The following HNRNPUL1 variants were observed in gnomAD, a reference collection of about 807,000 sequenced individuals.
HNRNPUL1 encodes the protein heterogeneous nuclear ribonucleoprotein U like 1.
In HNRNPUL1, 14 loss-of-function variants were observed where a neutral mutation model predicts 108.5. The observed-to-expected ratio is 0.13, with a 90% CI of 0.09 to 0.20. The LOEUF (loss-of-function observed/expected upper bound fraction) is 0.20, where lower values mean the gene tolerates loss of function less well. Ranked by LOEUF, HNRNPUL1 falls within the 10% of genes least tolerant of loss-of-function variation. The probability of loss-of-function intolerance (pLI) is 1.00; values close to 1 mark genes in which losing one functional copy is unlikely to be tolerated. For missense variants in HNRNPUL1, 804 were observed against 1,168.3 expected (o/e 0.69, Z 4.55); for synonymous variants, 422 against 445.2 (o/e 0.95, Z 0.66).
At chr19:41,303,511 C>T (rs188450685) in intron 12 of HNRNPUL1, among the ~76,000 whole-genome samples, 51 of 152,186 alleles carry the variant, frequency 3.4e-4, no homozygotes, top group South Asian at 1.9e-3. Context: ...AGCACCACCA[C>T]GCCCGGCTAA....
intron 12 of HNRNPUL1, among the ~76,000 whole-genome samples, chr19:41,303,427 C>T (rs1000544708): frequency 6.7e-6 from 1 of 148,168 alleles, no homozygotes; most frequent in Non-Finnish European, 1.5e-5. Flanking sequence ...AATCTCGGCT[C>T]ACTGCAACCT....
chr19:41,292,299 A>T lies in HNRNPUL1; in HGVS notation c.1054A>T (p.Met352Leu). 1 of 1,614,142 alleles carries T rather than the reference A, an allele frequency of 6.2e-7. No individual in the cohort carries two copies. The highest frequency in any genetic ancestry group is 8.5e-7 in the Non-Finnish European group (1 of 1,179,988). Reference sequence around the variant, plus strand: ...GTCTTTTACCAAGAATGGAAAGTGGATGGGCATTGCTTTCCGAATCCAGAA... The same window carrying T: ...GTCTTTTACCAAGAATGGAAAGTGGTTGGGCATTGCTTTCCGAATCCAGAA... The part of the protein sequence containing the change: ...ELSFTKNGKW[M>L]GIAFRIQKEA... Residue 352 changes from methionine to leucine, a missense_variant, in exon 8 of 15, where the codon ATG (methionine) becomes TTG (leucine). By Grantham distance (15) the Met-to-Leu change is conservative (BLOSUM62 2). Coordinates refer to ENST00000392006, the MANE Select transcript of HNRNPUL1 (RefSeq NM_007040.6). This position sits in a 1 kb window ranked among gnomAD's most constrained non-coding sequence, Gnocchi z 4.1.
chr19:41,296,865 G>C (rs1265858319), intron 10 of HNRNPUL1, among the ~76,000 whole-genome samples: 2 of 152,218 alleles, frequency 1.3e-5, no homozygotes, highest in Admixed American at 6.5e-5. Flanking sequence ...TGAGTGGTCA[G>C]ATCTCCCCAG....
intron 7 of HNRNPUL1, among the ~76,000 whole-genome samples, chr19:41,282,029 A>C (rs1175676085): frequency 6.6e-6 from 1 of 152,232 alleles, no homozygotes; most frequent in Non-Finnish European, 1.5e-5. Context: ...AATACCACTT[A>C]ATACTGTTAA....
chr19:41,305,881 T>TG lies in HNRNPUL1; in HGVS notation c.2454+19dup. On this transcript the variant is annotated intron_variant, in intron 14 of 14. Transcript: ENST00000392006. ...CAGTATCAGCAGGTAGGTGCCAGAC[T>TG]GGGGGCCAACTGGATGGAGAGACTT... 3.2e-6 allele frequency: 5 copies of TG among 1,539,012 alleles called. No individual in the cohort carries two copies. The highest frequency in any genetic ancestry group is 4.4e-6 in the Non-Finnish European group (5 of 1,124,200).
intron 6 of HNRNPUL1, among the ~76,000 whole-genome samples, chr19:41,279,961 G>A (rs2035808730): frequency 6.6e-6 from 1 of 152,114 alleles, no homozygotes; most frequent in South Asian, 2.1e-4. Flanking sequence ...GTAAATAACT[G>A]CAGCTTTTTG....
rs1272565668 is a variant in HNRNPUL1 at position 41,279,157 on chromosome 19, C to T, written c.867C>T (p.Asp289=). The T allele has an allele frequency of 2.5e-6, 4 of 1,612,946 alleles. No individual in the cohort carries two copies. The Admixed American group carries it at 5.0e-5, about 20-fold the overall frequency. ...TGGTCCGTATCGGCTGGTCCCTGGACTCCTGCAGCACCCAGCTAGGTAAGG... is the reference window on the plus strand; with the variant it reads ...TGGTCCGTATCGGCTGGTCCCTGGATTCCTGCAGCACCCAGCTAGGTAAGG... The part of the protein sequence containing the change: ...PHVVRIGWSL[D]SCSTQLGEEP... The change falls in exon 6 of 15, where the codon GAC becomes GAT. Residue 289 remains aspartate, a synonymous_variant. Coordinates refer to ENST00000392006, the MANE Select transcript of HNRNPUL1 (RefSeq NM_007040.6).
chr19:41,299,286 A>G (rs2037063368), intron 10 of HNRNPUL1, among the ~76,000 whole-genome samples: 1 of 152,106 alleles, frequency 6.6e-6, no homozygotes, highest in Non-Finnish European at 1.5e-5. Flanking sequence ...GACAGGGAAG[A>G]ACATTTTTTC....
Position 41,306,724 on chromosome 19 carries a change from C to T in HNRNPUL1, c.*159C>T, listed in dbSNP as rs902385049. On this transcript the variant is annotated 3_prime_UTR_variant, in exon 15 of 15. Coordinates refer to ENST00000392006, the MANE Select transcript of HNRNPUL1 (RefSeq NM_007040.6). The stretch of plus-strand genomic sequence containing the variant: ...CACTGCCTCCCCTCTGAGGGGCTTC[C>T]TTCCCCTCCATAGGGCCAGGCATTT... 2.4e-5 allele frequency: 10 copies of T among 418,004 alleles called. No homozygotes were observed. The South Asian group carries it at 7.8e-4, about 33-fold the overall frequency. The allele number at this position is 418,004 out of a possible 1,614,324, so 25.9% of individuals were successfully genotyped here.
intron 10 of HNRNPUL1, among the ~76,000 whole-genome samples, chr19:41,297,784 G>A (rs2036976021): frequency 6.6e-6 from 1 of 152,158 alleles, no homozygotes; most frequent in South Asian, 2.1e-4. Context: ...AGAACATGTC[G>A]TTCTAGTCCT....
intron 10 of HNRNPUL1, among the ~76,000 whole-genome samples, chr19:41,297,483 G>A (rs2036959263): frequency 6.6e-6 from 1 of 152,220 alleles, no homozygotes; most frequent in South Asian, 2.1e-4. Context: ...ATTGCTTCAG[G>A]TGTCTCTTTG....
chr19:41,266,906 G>A (rs551425169), intron 1 of HNRNPUL1, among the ~76,000 whole-genome samples: 2 of 152,296 alleles, frequency 1.3e-5, no homozygotes, highest in African/African-American at 4.8e-5. Flanking sequence ...GAAAGGAGTG[G>A]GCCTGTGTGT....
At chr19:41,288,707 C>G (rs1364430083) in intron 7 of HNRNPUL1, among the ~76,000 whole-genome samples, 1 of 152,114 alleles carries the variant, frequency 6.6e-6, no homozygotes, top group African/African-American at 2.4e-5. Flanking sequence ...TAATGGCTGT[C>G]TAGTATTCTG....
At chr19:41,302,186 C>A in intron 11 of HNRNPUL1, among the ~76,000 whole-genome samples, 1 of 142,660 alleles carries the variant, frequency 7.0e-6, no homozygotes. Flanking sequence ...GGGGTTGGGG[C>A]TTTGTCTACC....
chr19:41,283,508 C>A (rs2036028495), intron 7 of HNRNPUL1, among the ~76,000 whole-genome samples: 1 of 151,472 alleles, frequency 6.6e-6, no homozygotes, highest in African/African-American at 2.4e-5. Flanking sequence ...TAGGCTGGAG[C>A]ACGGTGGCGC....
At chr19:41,276,716 C>T (rs1300858873) in intron 5 of HNRNPUL1, 1 of 160,570 alleles carries the variant, frequency 6.2e-6, no homozygotes, top group Non-Finnish European at 1.4e-5. Flanking sequence ...TGTCATCTCT[C>T]CACAGTTCCA....
chr19:41,286,839 T>A (rs1442309066), intron 7 of HNRNPUL1: 3 of 146,208 alleles, frequency 2.1e-5, no homozygotes. Context: ...TGCCTCTGCC[T>A]CCCAAGTAGC....
At chr19:41,286,545 A>G (rs1272856284) in intron 7 of HNRNPUL1, 2 of 151,788 alleles carry the variant, frequency 1.3e-5, no homozygotes, top group African/African-American at 4.8e-5. Context: ...AGGCAACCTG[A>G]TGGTCCCTAA....
intron 2 of HNRNPUL1, among the ~76,000 whole-genome samples, chr19:41,269,642 G>GA (rs2035092426): frequency 2.0e-5 from 3 of 151,716 alleles, no homozygotes; most frequent in Admixed American, 2.0e-4. Context: ...GTTGTCTTTA[G>GA]AAAAAATTAA....
Sources: allele counts gnomAD v4.1 joint callset (sites outside exome capture counted in the v4.1 genomes callset), GRCh38; gene constraint gnomAD v4.1.1; non-coding constraint Gnocchi (gnomAD v3.1); transcripts MANE v1.5; gene names NCBI Gene and HGNC (gene_info 2026-07-23, HGNC 2026-07-21).